Variants in DHRSX observed in about 807,000 individuals in gnomAD.
DHRSX encodes the protein dehydrogenase/reductase X-linked.
Under a neutral mutation model 34.0 loss-of-function variants are expected in DHRSX, and 31 were observed. The ratio of observed to expected loss-of-function variants is 0.91; its 90% CI spans 0.69 to 1.23. DHRSX has a LOEUF of 1.23. Among genes scored for constraint, DHRSX ranks in the 50% most tolerant of loss-of-function variants. The probability of loss-of-function intolerance (pLI) is 0.00; values close to 1 mark genes in which losing one functional copy is unlikely to be tolerated. For synonymous variants in DHRSX, 201 were observed against 183.8 expected, an observed-to-expected ratio of 1.09 and a Z score of -0.76; for missense variants, 414 against 428.1, an observed-to-expected ratio of 0.97 and a Z score of 0.29.
Position 2,481,494 on chromosome X carries a change from C to T in DHRSX, c.109+19323G>A, listed in dbSNP as rs370654483. On this transcript the variant is annotated intron_variant, in intron 1 of 6. Coordinates refer to ENST00000334651, the MANE Select transcript of DHRSX (RefSeq NM_145177.3). ...CAGCTTTACCAATGTACTGAAACCCCGTCTCTACGAAAAATATAAAAATTA... is the reference window on the plus strand; with the variant it reads ...CAGCTTTACCAATGTACTGAAACCCTGTCTCTACGAAAAATATAAAAATTA... Among the ~76,000 whole-genome samples the T allele has an allele frequency of 4.6e-4, 70 of 151,988 alleles. No individual in the cohort carries two copies. The East Asian group carries it at 4.6e-3, about 10-fold the overall frequency.
chrX:2,385,129 T>TG (rs942988470), intron 3 of DHRSX, among the ~76,000 whole-genome samples: 12 of 134,754 alleles, frequency 8.9e-5, no homozygotes, highest in African/African-American at 3.1e-4. Flanking sequence ...TGTGTGTGTG[T>TG]GTGTGTGTAT....
intron 3 of DHRSX, among the ~76,000 whole-genome samples, chrX:2,328,496 A>G (rs2042416940): frequency 6.6e-6 from 1 of 151,414 alleles, no homozygotes; most frequent in Non-Finnish European, 1.5e-5. Context: ...TCTGTTGTTT[A>G]TAAGTCACCC....
chrX:2,263,308 T>A (rs2041389021), intron 5 of DHRSX, among the ~76,000 whole-genome samples: 1 of 152,070 alleles, frequency 6.6e-6, no homozygotes, highest in Non-Finnish European at 1.5e-5. Flanking sequence ...AAGTATGGAA[T>A]CAGTGCCTTT....
intron 3 of DHRSX, among the ~76,000 whole-genome samples, chrX:2,326,971 C>A (rs769113696): frequency 9.9e-5 from 15 of 152,138 alleles, no homozygotes; most frequent in African/African-American, 3.6e-4. Flanking sequence ...GCCACCATGC[C>A]CGGCTAATTT....
intron 3 of DHRSX, among the ~76,000 whole-genome samples, chrX:2,352,076 T>C (rs776254356): frequency 4.6e-5 from 7 of 152,038 alleles, no homozygotes; most frequent in Admixed American, 6.6e-5. Context: ...AAAAGCACCA[T>C]TGGACAACCA....
chrX:2,378,952 G>A (rs1435347379), intron 3 of DHRSX, among the ~76,000 whole-genome samples: 1 of 152,102 alleles, frequency 6.6e-6, no homozygotes, highest in Non-Finnish European at 1.5e-5. Flanking sequence ...GATTACAGGC[G>A]TGAGCCACCG....
chrX:2,426,844 CCT>C (rs1242668592), intron 1 of DHRSX, among the ~76,000 whole-genome samples: 1 of 151,422 alleles, frequency 6.6e-6, no homozygotes, highest in Non-Finnish European at 1.5e-5. Flanking sequence ...TTCTTTCCTC[CCT>C]CTTTCCTTCC....
In DHRSX at chrX:2,263,712, C is replaced by G. The variant is rs145499352; in HGVS notation, c.596+3028G>C. ...ATTTTTAATAGAGATGGGGTTTCAC[C>G]ATGTTGGTCAGGATGGTCTCGATCT... On this transcript the variant is annotated intron_variant, in intron 5 of 6. Transcript: ENST00000334651. Among the ~76,000 whole-genome samples the G allele has an allele frequency of 2.5e-3, 384 of 152,124 alleles. 3 individuals are homozygous for G. In the East Asian group the frequency reaches 0.045, roughly 18 times the overall value.
At chrX:2,394,004 A>C (rs1269282110) in intron 3 of DHRSX, among the ~76,000 whole-genome samples, 2 of 152,200 alleles carry the variant, frequency 1.3e-5, no homozygotes, top group Non-Finnish European at 2.9e-5. Flanking sequence ...GATCCCTGGC[A>C]ATTTTTCTGA....
intron 1 of DHRSX, among the ~76,000 whole-genome samples, chrX:2,445,433 GA>G (rs922652055): frequency 9.6e-5 from 14 of 146,008 alleles, no homozygotes; most frequent in South Asian, 2.2e-4. Flanking sequence ...TATCAATCAA[GA>G]AAAAAAAAAG....
intron 4 of DHRSX, among the ~76,000 whole-genome samples, chrX:2,271,114 C>G (rs1207143117): frequency 6.6e-6 from 1 of 152,220 alleles, no homozygotes; most frequent in African/African-American, 2.4e-5. Context: ...CTCTTTGGGT[C>G]TACACTACCT....
intron 1 of DHRSX, among the ~76,000 whole-genome samples, chrX:2,463,047 G>A (rs1428775583): frequency 6.6e-6 from 1 of 152,128 alleles, no homozygotes; most frequent in Non-Finnish European, 1.5e-5. Context: ...CATGTGAGCA[G>A]GCAGAGAAAA....
chrX:2,316,266 A>G (rs1163015007), intron 3 of DHRSX, among the ~76,000 whole-genome samples: 2 of 145,056 alleles, frequency 1.4e-5, no homozygotes, highest in Non-Finnish European at 3.0e-5. Context: ...AACCAGCAAA[A>G]AGGGCCGGCT....
intron 1 of DHRSX, chrX:2,489,337 C>T (rs145382380): frequency 1.5e-5 from 24 of 1,613,826 alleles, no homozygotes; most frequent in African/African-American, 4.0e-5. Context: ...TCTCGGGCGT[C>T]TCCTGGTAGG....
intron 6 of DHRSX, among the ~76,000 whole-genome samples, chrX:2,229,947 G>A (rs1192880292): frequency 6.6e-6 from 1 of 152,206 alleles, no homozygotes; most frequent in Non-Finnish European, 1.5e-5. Flanking sequence ...GTGAATATGT[G>A]CATGTGTCGA....
At position 2,489,977 on chromosome X, in the gene DHRSX, G is replaced by GTGA. The variant is rs774195441; in HGVS notation, c.109+10837_109+10839dup. On this transcript the variant is annotated intron_variant, in intron 1 of 6. Coordinates refer to ENST00000334651, the MANE Select transcript of DHRSX (RefSeq NM_145177.3). ...GATGAAGACCTCATAGAGCACTCGC[G>GTGA]TGATGGTCTCCGCCGTGTTCTCTTC... 107 of 1,613,908 alleles carry GTGA rather than the reference G, an allele frequency of 6.6e-5. No homozygotes were observed. The East Asian group carries it at 2.3e-3, about 34-fold the overall frequency.
intron 3 of DHRSX, among the ~76,000 whole-genome samples, chrX:2,317,544 G>GT (rs1197543069): frequency 6.6e-6 from 1 of 151,916 alleles, no homozygotes; most frequent in African/African-American, 2.4e-5. Context: ...GAGCCACTGC[G>GT]TGCGGCCCTG....
intron 3 of DHRSX, among the ~76,000 whole-genome samples, chrX:2,384,838 C>T (rs1007224650): frequency 6.6e-6 from 1 of 150,550 alleles, no homozygotes; most frequent in Non-Finnish European, 1.5e-5. Flanking sequence ...TGCAGCACAC[C>T]GGCATGGCAC....
chrX:2,419,737 A>C, intron 2 of DHRSX, among the ~76,000 whole-genome samples: 1 of 145,052 alleles, frequency 6.9e-6, no homozygotes, highest in East Asian at 2.1e-4. Context: ...CAAACACCGC[A>C]TGTTCTCACT....
Sources: gnomAD v4.1 joint callset for allele counts (sites outside exome capture counted in the v4.1 genomes callset) on GRCh38, gnomAD v4.1.1 for gene constraint, MANE v1.5 for transcripts, NCBI Gene and HGNC (gene_info 2026-07-23, HGNC 2026-07-21) for gene names.